MOBP: variants seen among roughly 807,000 people sequenced by gnomAD.
MOBP encodes the protein myelin-associated oligodendrocyte basic protein.
In MOBP, 5 loss-of-function variants were observed where a neutral mutation model predicts 15.0. That is an observed-to-expected ratio of 0.33 (90% CI 0.17 to 0.70). The LOEUF is 0.70. Ranked by LOEUF, MOBP falls within the 30% of genes least tolerant of loss-of-function variation. MOBP has a pLI of 0.67. For missense variants in MOBP, 188 were observed against 257.8 expected, an observed-to-expected ratio of 0.73 and a Z score of 1.85; for synonymous variants, 88 against 99.0, an observed-to-expected ratio of 0.89 and a Z score of 0.66.
At chr3:39,493,354 A>G (rs1445114357) in intron 2 of MOBP, among the ~76,000 whole-genome samples, 1 of 152,176 alleles carries the variant, frequency 6.6e-6, no homozygotes, top group African/African-American at 2.4e-5. Flanking sequence ...ATTTGTATGA[A>G]TTAGAAAAAG....
At chr3:39,487,298 T>C (rs2042725419) in intron 2 of MOBP, among the ~76,000 whole-genome samples, 1 of 152,068 alleles carries the variant, frequency 6.6e-6, no homozygotes, top group Non-Finnish European at 1.5e-5. Context: ...TTTATCAACA[T>C]TATTTGTTGA....
rs143930206 is a variant in MOBP, at chr3:39,493,868, C to T, written c.-4-8198C>T. 2.4e-3 allele frequency among the ~76,000 whole-genome samples: 370 copies of T among 152,226 alleles called. 18 individuals carry two copies. In the East Asian group the frequency reaches 0.061, roughly 25 times the overall value. Reference sequence around the variant, plus strand: ...GAGTGGTAAAAGACAGGGGAAGGAACCCTATGGGACAAGTTCCAAAGGCTT... The same window carrying T: ...GAGTGGTAAAAGACAGGGGAAGGAATCCTATGGGACAAGTTCCAAAGGCTT... On this transcript the variant is annotated intron_variant, in intron 2 of 3. Transcript: ENST00000684792.
chr3:39,491,288 G>T (rs956829748), intron 2 of MOBP, among the ~76,000 whole-genome samples: 1 of 152,112 alleles, frequency 6.6e-6, no homozygotes, highest in Admixed American at 6.5e-5. Context: ...TAATCTCACC[G>T]GTCACTCATA....
intron 2 of MOBP, among the ~76,000 whole-genome samples, chr3:39,495,300 G>A (rs546272476): frequency 2.4e-4 from 33 of 139,034 alleles, no homozygotes; most frequent in South Asian, 9.3e-4. Context: ...AATAGATTTT[G>A]TAATAACTGA....
intron 1 of MOBP, among the ~76,000 whole-genome samples, chr3:39,468,271 G>A (rs1354644737): frequency 1.3e-5 from 2 of 152,094 alleles, no homozygotes; most frequent in African/African-American, 2.4e-5. Context: ...ATGGAAAGGC[G>A]CTAATGCTTT....
chr3:39,469,757 A>C (rs2042441794), intron 1 of MOBP, among the ~76,000 whole-genome samples: 1 of 152,214 alleles, frequency 6.6e-6, no homozygotes, highest in Non-Finnish European at 1.5e-5. Flanking sequence ...TGAGTATACA[A>C]TTTTTAAATT....
At chr3:39,498,253 T>G (rs892552590) in intron 2 of MOBP, among the ~76,000 whole-genome samples, 4 of 152,342 alleles carry the variant, frequency 2.6e-5, no homozygotes, top group Non-Finnish European at 5.9e-5. Context: ...GGAAGCAGTA[T>G]ATAGAACTGC....
downstream of MOBP, among the ~76,000 whole-genome samples, chr3:39,506,499 A>C (rs969400552): frequency 6.6e-6 from 1 of 152,026 alleles, no homozygotes; most frequent in Non-Finnish European, 1.5e-5. Flanking sequence ...ACCAATTCTC[A>C]CCGTGGGTTC....
downstream of MOBP, among the ~76,000 whole-genome samples, chr3:39,518,109 T>A (rs1559430165): frequency 6.6e-6 from 1 of 152,192 alleles, no homozygotes. Context: ...AACATTCATA[T>A]TGGATTTCGA....
chr3:39,512,586 C>T (rs2043133816), intron 4 of MOBP, among the ~76,000 whole-genome samples: 1 of 152,118 alleles, frequency 6.6e-6, no homozygotes, highest in Admixed American at 6.6e-5. Context: ...AATGGTATTG[C>T]TAATATCTGA....
chr3:39,511,184 T>A (rs1363669461), intron 4 of MOBP, among the ~76,000 whole-genome samples: 1 of 152,214 alleles, frequency 6.6e-6, no homozygotes, highest in African/African-American at 2.4e-5. Flanking sequence ...CTCTAGGGAT[T>A]GGATTTACAA....
Position 39,494,794 on chromosome 3 carries a change from C to A in MOBP, c.-4-7272C>A, listed in dbSNP as rs1364694557. Among the ~76,000 whole-genome samples, 4 of 120,584 alleles carry A rather than the reference C, an allele frequency of 3.3e-5. No homozygotes were observed. In the Admixed American group the frequency reaches 3.7e-4, roughly 11 times the overall value. The allele number at this position is 120,584 out of a possible 152,430, so 79.1% of individuals were successfully genotyped here. On this transcript the variant is annotated intron_variant, in intron 2 of 3. Transcript: ENST00000684792. ...TCATATTTTCAAAGCCCCCCCCCGCCCCCCGAGTTACGTGTTGTTATTATT... is the reference window on the plus strand; with the variant it reads ...TCATATTTTCAAAGCCCCCCCCCGCACCCCGAGTTACGTGTTGTTATTATT...
chr3:39,486,488 T>C (rs970083171), intron 2 of MOBP, among the ~76,000 whole-genome samples: 1 of 152,210 alleles, frequency 6.6e-6, no homozygotes, highest in African/African-American at 2.4e-5. Flanking sequence ...CATGCTACTA[T>C]ACATATGTAT....
chr3:39,470,347 A>C (rs1329304558), intron 1 of MOBP, among the ~76,000 whole-genome samples: 2 of 152,226 alleles, frequency 1.3e-5, no homozygotes, highest in Non-Finnish European at 2.9e-5. Flanking sequence ...AAACTCTGAG[A>C]TCCTTCAGCT....
downstream of MOBP, among the ~76,000 whole-genome samples, chr3:39,519,966 T>G (rs1350040395): frequency 1.3e-5 from 2 of 152,086 alleles, no homozygotes; most frequent in East Asian, 1.9e-4. Context: ...TCTGTTTTTT[T>G]TTTTTTTTTT....
At chr3:39,504,068 G>A (rs1016961114), downstream of MOBP, among the ~76,000 whole-genome samples, 1 of 152,160 alleles carries the variant, frequency 6.6e-6, no homozygotes, top group Admixed American at 6.5e-5. Flanking sequence ...TGTGATGTGA[G>A]GTAAAGAAAT....
At chr3:39,499,934 G>A (rs945814683) in intron 2 of MOBP, 1 of 435,502 alleles carries the variant, frequency 2.3e-6, no homozygotes, top group South Asian at 1.7e-5. Flanking sequence ...GTTTCACCTT[G>A]TTCTCTAGCC....
chr3:39,492,533 T>C (rs1050439404), intron 2 of MOBP, among the ~76,000 whole-genome samples: 1 of 152,194 alleles, frequency 6.6e-6, no homozygotes, highest in Admixed American at 6.5e-5. Flanking sequence ...TCATCATGGG[T>C]TGGGCTTGTA....
chr3:39,477,753 G>C (rs1308624348), intron 1 of MOBP, among the ~76,000 whole-genome samples: 1 of 151,696 alleles, frequency 6.6e-6, no homozygotes, highest in African/African-American at 2.4e-5. Context: ...GAGAGGTGGA[G>C]GTAGAAGACA....
Sources: allele counts gnomAD v4.1 joint callset (sites outside exome capture counted in the v4.1 genomes callset), GRCh38; gene constraint gnomAD v4.1.1; transcripts MANE v1.5; gene names NCBI Gene and HGNC (gene_info 2026-07-23, HGNC 2026-07-21).